Variants in NSD3 observed in about 807,000 individuals in gnomAD.
NSD3 encodes nuclear receptor binding SET domain protein 3.
A neutral mutation model predicts 160.8 loss-of-function variants in NSD3; 24 were observed. The ratio of observed to expected loss-of-function variants is 0.15; its 90% CI spans 0.11 to 0.21. The LOEUF (loss-of-function observed/expected upper bound fraction) is 0.21. Among genes scored for constraint, NSD3 ranks in the 10% least tolerant of loss-of-function variants. The pLI is 1.00. For missense variants in NSD3, 1,157 were observed against 1,735.9 expected (o/e 0.67, Z 5.93); for synonymous variants, 520 against 600.0 (o/e 0.87, Z 1.95).
At chr8:38,337,213 A>G in intron 4 of NSD3, 92 bp downstream of exon 4, 2 of 1,137,700 alleles carry the variant, frequency 1.8e-6, no homozygotes, top group African/African-American at 3.2e-5. Flanking sequence ...CAGATTATAT[A>G]TTACGTGTGT....
At chr8:38,360,037 TGAGGCTGGAGTGCAGTGGTGC>T (rs1306281373) in intron 1 of NSD3, among the ~76,000 whole-genome samples, 1 of 150,442 alleles carries the variant, frequency 6.6e-6, no homozygotes, top group East Asian at 2.0e-4. Flanking sequence ...ACTATATCAC[TGAGGCTGGAGTGCAGTGGTGC>T]AATCACAGCT....
intron 1 of NSD3, among the ~76,000 whole-genome samples, chr8:38,373,308 C>T (rs1361453450): frequency 5.9e-5 from 9 of 151,942 alleles, no homozygotes; most frequent in Admixed American, 3.3e-4. Flanking sequence ...CTACAACCTA[C>T]GCCTCCCTTG....
chr8:38,367,894 G>GT (rs1478339288), intron 1 of NSD3, among the ~76,000 whole-genome samples: 10 of 152,124 alleles, frequency 6.6e-5, no homozygotes, highest in African/African-American at 2.4e-4. Flanking sequence ...CAAAATCCTA[G>GT]TAAGGAATCA....
chr8:38,381,341 C>T (rs1811549418), intron 1 of NSD3, among the ~76,000 whole-genome samples: 1 of 152,036 alleles, frequency 6.6e-6, no homozygotes, highest in Admixed American at 6.6e-5. Context: ...CCCCATTTCT[C>T]CAGCAAATTT....
chr8:38,364,118 CA>C (rs796090512), intron 1 of NSD3, among the ~76,000 whole-genome samples: 2 of 150,908 alleles, frequency 1.3e-5, no homozygotes, highest in African/African-American at 2.4e-5. Context: ...ACTAAAAATA[CA>C]AAAAAAAATT....
In NSD3 at chr8:38,319,689, GTTTC is replaced by G. The variant is rs1563353488; in HGVS notation, c.1810-753_1810-750del. The G allele has an allele frequency of 6.6e-6, 1 of 152,048 alleles. No individual in the cohort carries two copies. The highest frequency in any genetic ancestry group is 1.9e-4 in the East Asian group (1 of 5,196). The allele number at this position is 152,048 out of a possible 1,614,324, so 9.4% of individuals were successfully genotyped here. On this transcript the variant is annotated intron_variant, in intron 8 of 23. Transcript: ENST00000317025. This position sits in a 1 kb window ranked among gnomAD's most constrained non-coding sequence, Gnocchi z 4.1. ...GTTTAAGCTATAAATTGAATTTCATGTTTCTTTAAGATGTGGTGAAATATGAATG... is the reference window on the plus strand; with the variant it reads ...GTTTAAGCTATAAATTGAATTTCATGTTTAAGATGTGGTGAAATATGAATG...
chr8:38,365,969 A>G (rs997876598), intron 1 of NSD3, among the ~76,000 whole-genome samples: 23 of 152,078 alleles, frequency 1.5e-4, no homozygotes, highest in Admixed American at 2.6e-4. Flanking sequence ...TTATGTAAAC[A>G]TAACTGATCC....
At chr8:38,315,238 G>A (rs534963361) in intron 11 of NSD3, among the ~76,000 whole-genome samples, 178 bp downstream of exon 11, 1 of 152,276 alleles carries the variant, frequency 6.6e-6, no homozygotes, top group Admixed American at 6.5e-5. Context: ...TGGCATGTGG[G>A]TAAGTATTCC....
chr8:38,334,617 C>T (rs1039390386), intron 4 of NSD3, among the ~76,000 whole-genome samples: 2 of 151,622 alleles, frequency 1.3e-5, no homozygotes, highest in African/African-American at 2.4e-5. Context: ...AAAAATTAGC[C>T]GGTGTGGTGG....
At chr8:38,342,133 C>A (rs982520122) in intron 2 of NSD3, among the ~76,000 whole-genome samples, 1 of 151,940 alleles carries the variant, frequency 6.6e-6, no homozygotes, top group Non-Finnish European at 1.5e-5. Context: ...GGCTAGGGAG[C>A]GAAGGATGCC....
chr8:38,292,741 A>G (rs970103019), intron 16 of NSD3, among the ~76,000 whole-genome samples: 6 of 152,104 alleles, frequency 3.9e-5, no homozygotes, highest in African/African-American at 1.4e-4. Context: ...GTGAGCCAAG[A>G]TCGTGCCACT....
At chr8:38,303,366 G>C (rs1429317820) in intron 14 of NSD3, 1 of 985,238 alleles carries the variant, frequency 1.0e-6, no homozygotes, top group African/African-American at 1.7e-5. Flanking sequence ...CATGATACCA[G>C]CCAGGTTTCA....
At position 38,329,799 on chromosome 8, in the gene NSD3, A is replaced by G. The variant is rs183170423; in HGVS notation, c.1160T>C (p.Ile387Thr). Residue 387 changes from isoleucine to threonine, a missense_variant, in exon 6 of 24, where the codon ATA becomes ACA. Physicochemically the swap from Ile to Thr is moderately conservative, Grantham distance 89. Transcript: ENST00000317025. This position sits in a 1 kb window ranked among gnomAD's most constrained non-coding sequence, Gnocchi z 4.8. ...AATGTAAATAAAAGTATACTGTTCT[A>G]TTCTTTCTTCTCGAGTCATTTTCAA... is the stretch of plus-strand genomic sequence containing the variant. ...KALKMTREER[I>T]EQYTFIYIDK... 586 of 1,613,932 alleles carry G rather than the reference A, an allele frequency of 3.6e-4. 1 individual carries two copies. Among genetic ancestry groups the G allele is most frequent in the Non-Finnish European group, 9.9e-5 (117 of 1,179,950 alleles).
At chr8:38,378,200 G>GAACA (rs779269776) in intron 1 of NSD3, among the ~76,000 whole-genome samples, 29 of 151,460 alleles carry the variant, frequency 1.9e-4, no homozygotes, top group Admixed American at 4.0e-4. Flanking sequence ...ACAAACAAAC[G>GAACA]AACAAACAAA....
chr8:38,291,752 C>T (rs1413732141), intron 16 of NSD3, among the ~76,000 whole-genome samples: 1 of 152,224 alleles, frequency 6.6e-6, no homozygotes, highest in Non-Finnish European at 1.5e-5. Context: ...ACTGCCTTCA[C>T]TAACGTCAGT....
chr8:38,351,088 C>T (rs1183298995), intron 1 of NSD3, among the ~76,000 whole-genome samples: 3 of 151,310 alleles, frequency 2.0e-5, no homozygotes, highest in Non-Finnish European at 4.4e-5. Context: ...TCTCCTGCCT[C>T]AGCCTCCCGA....
intron 1 of NSD3, among the ~76,000 whole-genome samples, chr8:38,351,787 C>T (rs989928914): frequency 4.6e-5 from 7 of 151,678 alleles, no homozygotes; most frequent in Non-Finnish European, 8.8e-5. Flanking sequence ...AACCAAACAC[C>T]GCAGGTTCTC....
At chr8:38,349,955 A>G (rs970957483) in intron 1 of NSD3, among the ~76,000 whole-genome samples, 3 of 151,532 alleles carry the variant, frequency 2.0e-5, no homozygotes, top group Middle Eastern at 3.4e-3. Context: ...TTGTCCTTGC[A>G]ATAGTTTGCT....
rs1402164392 is a variant in NSD3 at position 38,269,812 on chromosome 8, C to T, written c.*5829G>A. ...TTAATCCTCACGGAAGCAAAAAACA[C>T]ATTGGAATTCCAAAGTATTTGTAAA... is the stretch of plus-strand genomic sequence containing the variant. On this transcript the variant is annotated 3_prime_UTR_variant, in exon 24 of 24. Transcript: ENST00000317025. 6.6e-6 allele frequency: 1 copy of T among 152,208 alleles called. No homozygotes were observed. Among genetic ancestry groups the T allele is most frequent in the Non-Finnish European group, 1.5e-5 (1 of 68,056 alleles). The allele number at this position is 152,208 out of a possible 1,614,324, so 9.4% of individuals were successfully genotyped here.
Sources: allele counts gnomAD v4.1 joint callset (sites outside exome capture counted in the v4.1 genomes callset), GRCh38; gene constraint gnomAD v4.1.1; non-coding constraint Gnocchi (gnomAD v3.1); transcripts MANE v1.5; gene names NCBI Gene and HGNC (gene_info 2026-07-23, HGNC 2026-07-21).